Variants in NAGS observed in about 807,000 individuals in gnomAD.
NAGS encodes N-acetylglutamate synthase, mitochondrial.
A neutral mutation model predicts 46.9 loss-of-function variants in NAGS; 34 were observed. The observed-to-expected ratio is 0.72, with a 90% CI of 0.55 to 0.97. NAGS has a LOEUF of 0.97. NAGS is among the 50% of genes least tolerant of loss of function. The pLI is 0.00. For synonymous variants in NAGS, 334 were observed against 346.3 expected (o/e 0.96, Z 0.39); for missense variants, 665 against 747.0 (o/e 0.89, Z 1.28).
Position 44,006,900 on chromosome 17 carries a change from T to TTAC in NAGS, c.1096+191_1096+192insTAC. 1 of 507,456 alleles carries TTAC rather than the reference T, an allele frequency of 2.0e-6. No individual in the cohort carries two copies. Among genetic ancestry groups the TTAC allele is most frequent in the Non-Finnish European group, 3.3e-6 (1 of 299,222 alleles). 31.4% of individuals were successfully genotyped at this position (507,456 alleles called of 1,614,324 possible). On this transcript the variant is annotated intron_variant, in intron 4 of 6. Transcript: ENST00000293404. This position sits in a 1 kb window ranked among gnomAD's most constrained non-coding sequence, Gnocchi z 4.8. ...TGAGAGAGGAGGAGACCCAGTGTAC[T>TTAC]GGAAGGGAACTCCGAAGGAATTAAA...
rs2049126147 is a variant in NAGS, at chr17:44,008,738, C to T, written c.*137C>T. The T allele has an allele frequency of 2.6e-6, 3 of 1,153,920 alleles. No individual in the cohort carries two copies. In the East Asian group the frequency reaches 7.3e-5, roughly 28 times the overall value. The allele number at this position is 1,153,920 out of a possible 1,614,324, so 71.5% of individuals were successfully genotyped here. On this transcript the variant is annotated 3_prime_UTR_variant, in exon 7 of 7. Transcript: ENST00000293404. ...AGTGATCTGCAGAGGAGAAAGCAGC[C>T]CCAGCTCTGCCCAGAGGAGGCGCTG...
Position 44,007,363 on chromosome 17 carries a change from G to A in NAGS, c.1137G>A (p.Arg379=). 6.2e-7 allele frequency: 1 copy of A among 1,613,942 alleles called. No individual in the cohort carries two copies. Among genetic ancestry groups the A allele is most frequent in the Non-Finnish European group, 8.5e-7 (1 of 1,179,970 alleles). Residue 379 remains arginine (R), a synonymous_variant, in exon 5 of 7, where the codon CGG becomes CGA. Transcript: ENST00000293404. This position sits in a 1 kb window ranked among gnomAD's most constrained non-coding sequence, Gnocchi z 5.1. The part of the protein sequence containing the change: ...TLFKNAERML[R]VRSLDKLDQG... ...TCAAGAACGCCGAGCGAATGCTACG[G>A]GTGCGCAGCCTGGACAAGCTGGACC...
In NAGS at chr17:44,007,781, CT is replaced by C; in HGVS notation, c.1451+9del. Reference sequence around the variant, plus strand: ...CAACCCCATCAATCCCTGGTAGGTCCTGCCACTCCCAGCTCTGGGCTGGGCC... The same window carrying C: ...CAACCCCATCAATCCCTGGTAGGTCCGCCACTCCCAGCTCTGGGCTGGGCC... On this transcript the variant is annotated intron_variant, in intron 6 of 6. Coordinates refer to ENST00000293404, the MANE Select transcript of NAGS (RefSeq NM_153006.3). This position sits in a 1 kb window ranked among gnomAD's most constrained non-coding sequence, Gnocchi z 5.1. 1.3e-6 allele frequency: 2 copies of C among 1,574,628 alleles called. No individual in the cohort carries two copies. The highest frequency in any genetic ancestry group is 8.6e-7 in the Non-Finnish European group (1 of 1,158,764).
rs769606435 is a variant in NAGS, at chr17:44,006,733, G to A, written c.1096+24G>A. 6.3e-7 allele frequency: 1 copy of A among 1,579,032 alleles called. No homozygotes were observed. Among genetic ancestry groups the A allele is most frequent in the Non-Finnish European group, 8.6e-7 (1 of 1,159,522 alleles). Reference sequence around the variant, plus strand: ...GGGTGAGGGCGGTGGGCGGGCCGGGGACTGGGTCCCGGGAGTGAGTACTGG... The same window carrying A: ...GGGTGAGGGCGGTGGGCGGGCCGGGAACTGGGTCCCGGGAGTGAGTACTGG... On this transcript the variant is annotated intron_variant, in intron 4 of 6. Transcript: ENST00000293404. This position sits in a 1 kb window ranked among gnomAD's most constrained non-coding sequence, Gnocchi z 4.8.
chr17:44,007,042 G>A lies in NAGS; in HGVS notation c.1097-281G>A. 1 of 574,882 alleles carries A rather than the reference G, an allele frequency of 1.7e-6. No homozygotes were observed. Among genetic ancestry groups the A allele is most frequent in the Non-Finnish European group, 3.1e-6 (1 of 324,832 alleles). The allele number at this position is 574,882 out of a possible 1,614,324, so 35.6% of individuals were successfully genotyped here. A position where few individuals can be genotyped will look rare whatever the true frequency, so the allele number is the denominator to read the frequency against. On this transcript the variant is annotated intron_variant, in intron 4 of 6. Coordinates refer to ENST00000293404, the MANE Select transcript of NAGS (RefSeq NM_153006.3). The surrounding 1 kb of genome is among the most constrained non-coding windows in gnomAD (Gnocchi z 5.1). The stretch of plus-strand genomic sequence containing the variant: ...TGGGCGGGGCTTAGGTGGGTGGGCC[G>A]GGTCAGCGGCGGGAGACAGACTTCA...
chr17:44,005,095 C>T lies in NAGS; in HGVS notation c.426+6C>T, dbSNP rs1333152276. The T allele has an allele frequency of 2.6e-6, 4 of 1,564,014 alleles. No individual in the cohort carries two copies. The Admixed American group carries it at 5.4e-5, about 21-fold the overall frequency. On this transcript the variant is annotated splice_donor_region_variant and intron_variant, in intron 1 of 6. Transcript: ENST00000293404. The surrounding 1 kb of genome is among the most constrained non-coding windows in gnomAD (Gnocchi z 7.2). ...AGCCCTTCGCCGTCATCGAGGTGAG[C>T]GGAGCCCGGCGTGGGCCGTGACGCA...
Position 44,004,781 on chromosome 17 carries a change from G to A in NAGS, c.118G>A (p.Ala40Thr). The part of the protein sequence containing the change: ...RLSCGARRRA[A>T]RGTSPGRRLS... ...GAGCTGTGGCGCGCGGCGGCGGGCG[G>A]CGAGGGGCACCAGCCCGGGGCGCCG... is the stretch of plus-strand genomic sequence containing the variant. Residue 40 changes from alanine to threonine, a missense_variant, in exon 1 of 7, where the codon GCG becomes ACG. By Grantham distance (58) the Ala-to-Thr change is moderately conservative (BLOSUM62 0). Transcript: ENST00000293404. The A allele has an allele frequency of 1.5e-6, 2 of 1,367,316 alleles. No individual in the cohort carries two copies. The highest frequency in any genetic ancestry group is 3.8e-5 in the South Asian group (2 of 52,894). 84.7% of individuals were successfully genotyped at this position (1,367,316 alleles called of 1,614,324 possible).
rs1473496570 is a variant in NAGS at position 44,004,744 on chromosome 17, C to A, written c.81C>A (p.Gly27=). ...TGAGAGGCCGGGGAGGCACTGGGGG[C>A]GCCCGAAGGCTGAGCTGTGGCGCGC... ...PRLRGRGGTG[G]ARRLSCGARR... The change falls in exon 1 of 7, where the codon GGC becomes GGA. Residue 27 remains glycine, a synonymous_variant. Transcript: ENST00000293404. 2 of 1,458,258 alleles carry A rather than the reference C, an allele frequency of 1.4e-6. No homozygotes were observed. Among genetic ancestry groups the A allele is most frequent in the Non-Finnish European group, 1.8e-6 (2 of 1,105,976 alleles). The allele number at this position is 1,458,258 out of a possible 1,614,324, so 90.3% of individuals were successfully genotyped here. A position where few individuals can be genotyped will look rare whatever the true frequency, so the allele number is the denominator to read the frequency against.
Position 44,006,882 on chromosome 17 carries a change from G to A in NAGS, c.1096+173G>A. 1 of 666,010 alleles carries A rather than the reference G, an allele frequency of 1.5e-6. No individual in the cohort carries two copies. Among genetic ancestry groups the A allele is most frequent in the Non-Finnish European group, 2.5e-6 (1 of 399,266 alleles). 41.3% of individuals were successfully genotyped at this position (666,010 alleles called of 1,614,324 possible). A position where few individuals can be genotyped will look rare whatever the true frequency, so the allele number is the denominator to read the frequency against. On this transcript the variant is annotated intron_variant, in intron 4 of 6. Coordinates refer to ENST00000293404, the MANE Select transcript of NAGS (RefSeq NM_153006.3). This position sits in a 1 kb window ranked among gnomAD's most constrained non-coding sequence, Gnocchi z 4.8. ...GCCGAAACCCGGGGGAGGTGAGAGA[G>A]GAGGAGACCCAGTGTACTGGAAGGG...
At position 44,005,735 on chromosome 17, in the gene NAGS, G is replaced by A. The variant is rs2049078135; in HGVS notation, c.525G>A (p.Leu175=). 1.9e-6 allele frequency: 3 copies of A among 1,593,112 alleles called. No homozygotes were observed. The highest frequency in any genetic ancestry group is 1.3e-5 in the African/African-American group (1 of 74,604). ...QRMDMKPLVV[L]GLPAPTAPSG... is the part of the protein sequence containing the mutation. ...TGGACATGAAGCCGCTGGTGGTCCT[G>A]GGGCTGCCGGCCCCTACGGCTCCCT... is the stretch of plus-strand genomic sequence containing the variant. Residue 175 remains leucine (L), a synonymous_variant, in exon 2 of 7, where the codon CTG becomes CTA. Transcript: ENST00000293404. The surrounding 1 kb of genome is among the most constrained non-coding windows in gnomAD (Gnocchi z 7.2).
rs1597867274 is a variant in NAGS at position 44,008,785 on chromosome 17, G to A, written c.*184G>A. On this transcript the variant is annotated 3_prime_UTR_variant, in exon 7 of 7. Coordinates refer to ENST00000293404, the MANE Select transcript of NAGS (RefSeq NM_153006.3). Reference sequence around the variant, plus strand: ...GCTGAAGTGGGACAAGCACAGGAAAGAAGGGGACCAGTCTAGGACCCCAAC... The same window carrying A: ...GCTGAAGTGGGACAAGCACAGGAAAAAAGGGGACCAGTCTAGGACCCCAAC... 6.5e-6 allele frequency: 5 copies of A among 774,794 alleles called. No individual in the cohort carries two copies. The South Asian group carries it at 7.5e-5, about 12-fold the overall frequency. The allele number at this position is 774,794 out of a possible 1,614,324, so 48.0% of individuals were successfully genotyped here.
At position 44,007,658 on chromosome 17, in the gene NAGS, G is replaced by A. The variant is rs773335810; in HGVS notation, c.1336G>A (p.Val446Met). 6.9e-6 allele frequency: 11 copies of A among 1,602,804 alleles called. No homozygotes were observed. Among genetic ancestry groups the A allele is most frequent in the African/African-American group, 1.3e-5 (1 of 74,652 alleles). Residue 446 changes from valine (V) to methionine (M), a missense_variant, in exon 6 of 7, where the codon GTG becomes ATG. Coordinates refer to ENST00000293404, the MANE Select transcript of NAGS (RefSeq NM_153006.3). This position sits in a 1 kb window ranked among gnomAD's most constrained non-coding sequence, Gnocchi z 5.1. Reference sequence around the variant, plus strand: ...GGGCACCCCGTACCTGGACAAATTTGTGGTGAGCTCCAGCCGCCAGGGCCA... The same window carrying A: ...GGGCACCCCGTACCTGGACAAATTTATGGTGAGCTCCAGCCGCCAGGGCCA... ...LGGTPYLDKF[V>M]VSSSRQGQGS... is the part of the protein sequence containing the mutation.
Position 44,006,813 on chromosome 17 carries a change from C to A in NAGS, c.1096+104C>A. 7.9e-7 allele frequency: 1 copy of A among 1,266,096 alleles called. No individual in the cohort carries two copies. The highest frequency in any genetic ancestry group is 1.1e-6 in the Non-Finnish European group (1 of 931,628). The allele number at this position is 1,266,096 out of a possible 1,614,324, so 78.4% of individuals were successfully genotyped here. On this transcript the variant is annotated intron_variant, in intron 4 of 6. Coordinates refer to ENST00000293404, the MANE Select transcript of NAGS (RefSeq NM_153006.3). This position sits in a 1 kb window ranked among gnomAD's most constrained non-coding sequence, Gnocchi z 4.8. ...GCGGCTTCTCCTCCTGTCCAGGAGC[C>A]GTAGGGGGAGGCGGGGGGTGTCACA...
In NAGS at chr17:44,004,924, G is replaced by T; in HGVS notation, c.261G>T (p.Pro87=). The change falls in exon 1 of 7, where the codon CCG becomes CCT. Residue 87 remains proline, a synonymous_variant. Coordinates refer to ENST00000293404, the MANE Select transcript of NAGS (RefSeq NM_153006.3). ...CGTGGGTGCCGAGTCCCAGGCCCCC[G>T]GTGCCCCACGAGTCCCCAGAGCCTC... ...EPSWVPSPRP[P]VPHESPEPPS... is the part of the protein sequence containing the mutation. 1 of 1,535,380 alleles carries T rather than the reference G, an allele frequency of 6.5e-7. No individual in the cohort carries two copies. The highest frequency in any genetic ancestry group is 8.7e-7 in the Non-Finnish European group (1 of 1,146,566).
At position 44,008,538 on chromosome 17, in the gene NAGS, G is replaced by A. The variant is rs1181746782; in HGVS notation, c.1542G>A (p.Leu514=). The change falls in exon 7 of 7, where the codon TTG becomes TTA. Residue 514 remains leucine (L), a synonymous_variant. Transcript: ENST00000293404. ...CTGATATCCGGGACTCCTATGAGTT[G>A]GTCAACCACGCCAAGGGACTGCCAG... ...GLADIRDSYE[L]VNHAKGLPDS... is the part of the protein sequence containing the mutation. 1 of 1,614,216 alleles carries A rather than the reference G, an allele frequency of 6.2e-7. No individual in the cohort carries two copies. The highest frequency in any genetic ancestry group is 8.5e-7 in the Non-Finnish European group (1 of 1,180,028).
In NAGS at chr17:44,005,885, C is replaced by A. The variant is rs1436648834; in HGVS notation, c.675C>A (p.Arg225=). 1.3e-6 allele frequency: 2 copies of A among 1,548,044 alleles called. No individual in the cohort carries two copies. The highest frequency in any genetic ancestry group is 1.7e-6 in the Non-Finnish European group (2 of 1,149,778). The change falls in exon 2 of 7, where the codon CGC becomes CGA. Residue 225 remains arginine, a synonymous_variant. Coordinates refer to ENST00000293404, the MANE Select transcript of NAGS (RefSeq NM_153006.3). This position sits in a 1 kb window ranked among gnomAD's most constrained non-coding sequence, Gnocchi z 7.2. ...VPFFGGGSVL[R]AAEPAPHASY... is the part of the protein sequence containing the mutation. ...TTTTTGGCGGCGGGTCTGTGCTACG[C>A]GCTGCCGAGCCGGCTCCCCATGCCA...
In NAGS at chr17:44,006,894, G is replaced by C. The variant is rs2049100487; in HGVS notation, c.1096+185G>C. ...GGGAGGTGAGAGAGGAGGAGACCCA[G>C]TGTACTGGAAGGGAACTCCGAAGGA... On this transcript the variant is annotated intron_variant, in intron 4 of 6. Coordinates refer to ENST00000293404, the MANE Select transcript of NAGS (RefSeq NM_153006.3). This position sits in a 1 kb window ranked among gnomAD's most constrained non-coding sequence, Gnocchi z 4.8. The C allele has an allele frequency of 1.6e-6, 1 of 608,104 alleles. No individual in the cohort carries two copies. The allele number at this position is 608,104 out of a possible 1,614,324, so 37.7% of individuals were successfully genotyped here.
At position 44,007,980 on chromosome 17, in the gene NAGS, C is replaced by CT. The variant is rs2049118211; in HGVS notation, c.1451+208dup. On this transcript the variant is annotated intron_variant, in intron 6 of 6. Transcript: ENST00000293404. This position sits in a 1 kb window ranked among gnomAD's most constrained non-coding sequence, Gnocchi z 5.1. The stretch of plus-strand genomic sequence containing the variant: ...CTTTTCTGGCAGCAAGTGACACCTC[C>CT]TAAGCCCCACGCAGCCCACCTCTCA... Among the ~76,000 whole-genome samples the CT allele has an allele frequency of 6.6e-6, 1 of 152,100 alleles. No individual in the cohort carries two copies. Among genetic ancestry groups the CT allele is most frequent in the African/African-American group, 2.4e-5 (1 of 41,428 alleles).
chr17:44,004,646 C>A lies in NAGS; in HGVS notation c.-18C>A. ...CAGACAGACTGCCACTCTTGGGGGGCAAGAGTTGGTTGTCGTCATGGCGAC... is the reference window on the plus strand; with the variant it reads ...CAGACAGACTGCCACTCTTGGGGGGAAAGAGTTGGTTGTCGTCATGGCGAC... On this transcript the variant is annotated 5_prime_UTR_variant, in exon 1 of 7. Transcript: ENST00000293404. The A allele has an allele frequency of 6.6e-7, 1 of 1,511,808 alleles. No homozygotes were observed. Among genetic ancestry groups the A allele is most frequent in the South Asian group, 1.3e-5 (1 of 75,456 alleles). 93.6% of individuals were successfully genotyped at this position (1,511,808 alleles called of 1,614,324 possible). A position where few individuals can be genotyped will look rare whatever the true frequency, so the allele number is the denominator to read the frequency against.
Sources: allele counts gnomAD v4.1 joint callset (sites outside exome capture counted in the v4.1 genomes callset), GRCh38; gene constraint gnomAD v4.1.1; non-coding constraint Gnocchi (gnomAD v3.1); transcripts MANE v1.5; gene names NCBI Gene and HGNC (gene_info 2026-07-23, HGNC 2026-07-21).